Variants in SAMHD1 observed in about 807,000 individuals in gnomAD.
The protein encoded by SAMHD1 is deoxynucleoside triphosphate triphosphohydrolase SAMHD1.
Under a neutral mutation model 79.6 loss-of-function variants are expected in SAMHD1, and 54 were observed. The observed-to-expected ratio is 0.68, with a 90% CI of 0.55 to 0.85. The LOEUF is 0.85. Among genes scored for constraint, SAMHD1 ranks in the 40% least tolerant of loss-of-function variants. The pLI, the probability that SAMHD1 is intolerant of heterozygous loss-of-function variation, is 0.00. For synonymous variants in SAMHD1, 260 were observed against 264.1 expected (o/e 0.98, Z 0.15); for missense variants, 663 against 782.7 (o/e 0.85, Z 1.82).
intron 13 of SAMHD1, 51 bp downstream of exon 13, chr20:36,904,106 C>A: frequency 8.2e-7 from 1 of 1,222,242 alleles, no homozygotes; most frequent in Non-Finnish European, 1.2e-6. Flanking sequence ...ATGGTGGGTG[C>A]TTTATCTTTA....
chr20:36,933,956 G>C (rs940328812), intron 4 of SAMHD1, among the ~76,000 whole-genome samples: 3 of 151,542 alleles, frequency 2.0e-5, no homozygotes, highest in Non-Finnish European at 4.4e-5. Context: ...TGAGGCAGGA[G>C]AATCACTTGA....
intron 13 of SAMHD1, among the ~76,000 whole-genome samples, chr20:36,901,396 A>T (rs1335070220): frequency 6.6e-6 from 1 of 152,186 alleles, no homozygotes; most frequent in Non-Finnish European, 1.5e-5. Context: ...ACTGCACTTC[A>T]GCCTGGGGCA....
At chr20:36,893,718 T>C (rs1990136927) in intron 15 of SAMHD1, 1 of 394,572 alleles carries the variant, frequency 2.5e-6, no homozygotes. Flanking sequence ...TACAAGATGA[T>C]GCACGATCTT....
At chr20:36,910,139 T>C (rs55720922) in intron 11 of SAMHD1, among the ~76,000 whole-genome samples, 3,856 of 149,756 alleles carry the variant, frequency 0.026, 108 homozygotes, top group South Asian at 0.13. Context: ...AGGAGAATGG[T>C]GTGAACCCGG....
intron 2 of SAMHD1, among the ~76,000 whole-genome samples, chr20:36,944,180 T>G (rs1046513863): frequency 2.7e-5 from 4 of 149,258 alleles, no homozygotes; most frequent in African/African-American, 9.9e-5. Context: ...ACCCCGTCTC[T>G]ACTAAAAATA....
At chr20:36,927,548 C>T (rs1372740880) in intron 5 of SAMHD1, among the ~76,000 whole-genome samples, 3 of 152,026 alleles carry the variant, frequency 2.0e-5, no homozygotes, top group African/African-American at 7.2e-5. Flanking sequence ...AACTCCCGAC[C>T]TCAGGTGATC....
chr20:36,899,945 T>A (rs1387252266), intron 13 of SAMHD1, among the ~76,000 whole-genome samples: 1 of 151,808 alleles, frequency 6.6e-6, no homozygotes, highest in East Asian at 1.9e-4. Flanking sequence ...AATACAAAAA[T>A]TAGCCAGATG....
In SAMHD1 at chr20:36,929,605, G is replaced by A. The variant is rs573945865; in HGVS notation, c.625+1155C>T. On this transcript the variant is annotated intron_variant, in intron 5 of 15. Transcript: ENST00000646673. ...GAAAAAAATTAGCCAGGCGCTACTC[G>A]GGAGGCTGAGGCAGAAGAATCACTT... Among the ~76,000 whole-genome samples, 7 of 152,078 alleles carry A rather than the reference G, an allele frequency of 4.6e-5. No individual in the cohort carries two copies. In the East Asian group the frequency reaches 9.7e-4, roughly 21 times the overall value.
Position 36,939,253 on chromosome 20 carries a change from CAAAAAAAAAAAAA to C in SAMHD1, c.348+1773_348+1785del, listed in dbSNP as rs57018620. 1.6e-4 allele frequency among the ~76,000 whole-genome samples: 6 copies of C among 36,636 alleles called. No homozygotes were observed. In the Admixed American group the frequency reaches 3.1e-3, roughly 19 times the overall value. The allele number at this position is 36,636 out of a possible 152,430, so 24.0% of individuals were successfully genotyped here. On this transcript the variant is annotated intron_variant, in intron 3 of 15. Transcript: ENST00000646673. ...TGGGCAACAGAGCGAGACTCCCTCT[CAAAAAAAAAAAAA>C]AAAAAAAAAAAAAGAAAAGAAAAGA...
intron 2 of SAMHD1, among the ~76,000 whole-genome samples, chr20:36,944,092 AAAAAAG>A (rs1352081083): frequency 1.7e-4 from 25 of 150,128 alleles, no homozygotes; most frequent in Non-Finnish European, 2.4e-4. Context: ...AAAAAAAAAA[AAAAAAG>A]AACTTTGGGA....
intron 13 of SAMHD1, among the ~76,000 whole-genome samples, chr20:36,903,422 T>C (rs2148359097): frequency 6.6e-6 from 1 of 150,502 alleles, no homozygotes; most frequent in South Asian, 2.1e-4. Flanking sequence ...GTATTTTTAG[T>C]AGTGATGGGG....
chr20:36,941,666 A>G (rs904620707), intron 2 of SAMHD1, among the ~76,000 whole-genome samples: 22 of 152,262 alleles, frequency 1.4e-4, no homozygotes, highest in African/African-American at 4.6e-4. Context: ...AGTTGGGCCC[A>G]GCATATCATC....
intron 13 of SAMHD1, among the ~76,000 whole-genome samples, chr20:36,900,430 G>GA (rs1244404972): frequency 6.6e-6 from 1 of 151,708 alleles, no homozygotes; most frequent in Admixed American, 6.6e-5. Flanking sequence ...ATTTTTAGTA[G>GA]AGACGGGGTT....
At chr20:36,898,385 C>T (rs1473040306) in intron 14 of SAMHD1, 55 bp downstream of exon 14, 1 of 1,330,762 alleles carries the variant, frequency 7.5e-7, no homozygotes, top group East Asian at 2.3e-5. Flanking sequence ...TGCTAATTTA[C>T]TATAAAGATT....
At position 36,890,897 on chromosome 20, in the gene SAMHD1, T is replaced by C. The variant is rs1990059331; in HGVS notation, c.*2035A>G. 1 of 152,240 alleles carries C rather than the reference T, an allele frequency of 6.6e-6. No individual in the cohort carries two copies. The highest frequency in any genetic ancestry group is 2.4e-5 in the African/African-American group (1 of 41,460). 9.4% of individuals were successfully genotyped at this position (152,240 alleles called of 1,614,324 possible). A position where few individuals can be genotyped will look rare whatever the true frequency, so the allele number is the denominator to read the frequency against. ...GCAAACAAAATAGATTCAAGTTGTT[T>C]TGCAGACAGCACAATGATACAATAT... On this transcript the variant is annotated 3_prime_UTR_variant, in exon 16 of 16. Coordinates refer to ENST00000646673, the MANE Select transcript of SAMHD1 (RefSeq NM_015474.4).
At chr20:36,904,317 C>A in intron 12 of SAMHD1, 68 bp from the exon 13 acceptor site, 1 of 1,096,620 alleles carries the variant, frequency 9.1e-7, no homozygotes, top group South Asian at 1.2e-5. Context: ...CAAACAGGTT[C>A]TCTTTATGAA....
At chr20:36,904,704 G>A (rs1275009415) in intron 12 of SAMHD1, 4 of 188,034 alleles carry the variant, frequency 2.1e-5, no homozygotes, top group Admixed American at 1.1e-4. Context: ...GTGACAGAGC[G>A]AGACTCTGTC....
chr20:36,936,536 T>C (rs897785996), intron 3 of SAMHD1, among the ~76,000 whole-genome samples: 2 of 151,954 alleles, frequency 1.3e-5, no homozygotes, highest in African/African-American at 4.8e-5. Context: ...TTGCCCAGGC[T>C]GACCTCGTGT....
At chr20:36,903,931 T>A in intron 13 of SAMHD1, 1 of 430,322 alleles carries the variant, frequency 2.3e-6, no homozygotes. Flanking sequence ...AAATTTTTAA[T>A]TAATATAGAC....
Sources: allele counts gnomAD v4.1 joint callset (sites outside exome capture counted in the v4.1 genomes callset), GRCh38; gene constraint gnomAD v4.1.1; transcripts MANE v1.5; gene names NCBI Gene and HGNC (gene_info 2026-07-23, HGNC 2026-07-21).